The following CDH13 variants were observed in gnomAD, a reference collection of about 807,000 sequenced individuals.
CDH13 encodes cadherin-13.
CDH13 carries 24 observed loss-of-function variants against 63.8 expected under a neutral mutation model. The observed-to-expected ratio is 0.38, with a 90% CI of 0.27 to 0.53. The LOEUF (loss-of-function observed/expected upper bound fraction) is 0.53. CDH13 is among the 20% of genes least tolerant of loss of function. The probability of loss-of-function intolerance (pLI) is 0.85; values close to 1 mark genes in which losing one functional copy is unlikely to be tolerated. For missense variants in CDH13, 1,049 were observed against 903.1 expected, an observed-to-expected ratio of 1.16 and a Z score of -2.07; for synonymous variants, 503 against 355.3, an observed-to-expected ratio of 1.42 and a Z score of -4.67.
At chr16:83,024,965 G>A (rs918515064) in intron 2 of CDH13, among the ~76,000 whole-genome samples, 6 of 152,172 alleles carry the variant, frequency 3.9e-5, no homozygotes, top group African/African-American at 1.4e-4. Flanking sequence ...AGTGATGCCT[G>A]TAGTAACCAT....
chr16:83,075,547 A>G (rs2032774480), intron 3 of CDH13, among the ~76,000 whole-genome samples: 1 of 152,208 alleles, frequency 6.6e-6, no homozygotes, highest in Non-Finnish European at 1.5e-5. Context: ...CATTGCATCC[A>G]GTGCGTACCT....
chr16:83,787,897 C>G (rs564624180), intron 13 of CDH13, among the ~76,000 whole-genome samples: 1 of 151,550 alleles, frequency 6.6e-6, no homozygotes, highest in Admixed American at 6.6e-5. Context: ...GAGCCGAGAT[C>G]ACACCACTGC....
At chr16:83,094,237 A>C (rs551427093) in intron 3 of CDH13, among the ~76,000 whole-genome samples, 1 of 152,186 alleles carries the variant, frequency 6.6e-6, no homozygotes, top group East Asian at 1.9e-4. Flanking sequence ...ATATCTGAGC[A>C]CTTGTGACCC....
chr16:83,059,249 T>C (rs1324749835), intron 3 of CDH13, among the ~76,000 whole-genome samples: 2 of 152,138 alleles, frequency 1.3e-5, no homozygotes, highest in Non-Finnish European at 2.9e-5. Flanking sequence ...ACCTGAAAAA[T>C]AGAGGGACTG....
chr16:82,864,627 C>A (rs1172601114), intron 2 of CDH13, among the ~76,000 whole-genome samples: 2 of 152,222 alleles, frequency 1.3e-5, no homozygotes, highest in African/African-American at 2.4e-5. Flanking sequence ...CAGCTGGTCA[C>A]CCCCTTGAAA....
intron 1 of CDH13, among the ~76,000 whole-genome samples, chr16:82,856,641 G>A (rs1242948076): frequency 2.3e-5 from 3 of 133,262 alleles, no homozygotes; most frequent in Non-Finnish European, 4.6e-5. Flanking sequence ...GGTTGGGTCT[G>A]CAGTGAGCCA....
At chr16:83,203,888 G>T (rs145724202) in intron 4 of CDH13, among the ~76,000 whole-genome samples, 2 of 152,184 alleles carry the variant, frequency 1.3e-5, no homozygotes, top group East Asian at 3.9e-4. Context: ...CTTTTAGATG[G>T]CAGAATGCAC....
At chr16:83,753,021 G>A (rs1437815548) in intron 11 of CDH13, among the ~76,000 whole-genome samples, 1 of 152,106 alleles carries the variant, frequency 6.6e-6, no homozygotes, top group African/African-American at 2.4e-5. Context: ...GAGCTAAAAT[G>A]TCCCCAAAGG....
intron 1 of CDH13, among the ~76,000 whole-genome samples, chr16:82,634,437 G>A (rs1263662101): frequency 6.6e-6 from 1 of 152,210 alleles, no homozygotes; most frequent in African/African-American, 2.4e-5. Context: ...CAGCGGAACC[G>A]AGGCTGACTC....
intron 5 of CDH13, among the ~76,000 whole-genome samples, chr16:83,293,486 G>C (rs2089513156): frequency 6.6e-6 from 1 of 152,104 alleles, no homozygotes; most frequent in Non-Finnish European, 1.5e-5. Context: ...CACCTTCATA[G>C]CAAGACTTTA....
chr16:83,009,972 A>G (rs1196808842), intron 2 of CDH13, among the ~76,000 whole-genome samples: 1 of 151,852 alleles, frequency 6.6e-6, no homozygotes, highest in Non-Finnish European at 1.5e-5. Context: ...TGTCTCTACT[A>G]AAAATACAAA....
rs112996636 is a variant in CDH13, at chr16:83,271,655, A to G, written c.636+54158A>G. On this transcript the variant is annotated intron_variant, in intron 5 of 13. Transcript: ENST00000567109. ...AATTACAGTAAGAAAATAATTCACAATACTCAAGGGGAAGGTAGCACTTGT... is the reference window on the plus strand; with the variant it reads ...AATTACAGTAAGAAAATAATTCACAGTACTCAAGGGGAAGGTAGCACTTGT... Among the ~76,000 whole-genome samples the G allele has an allele frequency of 4.6e-5, 7 of 152,160 alleles. 1 individual carries two copies. The highest frequency in any genetic ancestry group is 2.0e-4 in the Admixed American group (3 of 15,278).
intron 6 of CDH13, among the ~76,000 whole-genome samples, chr16:83,414,903 A>G (rs534556980): frequency 2.2e-4 from 34 of 152,292 alleles, no homozygotes; most frequent in African/African-American, 7.2e-4. Context: ...TCTTCAAACT[A>G]TCTCTTGAAG....
chr16:83,170,997 C>CT (rs368126683), intron 4 of CDH13, among the ~76,000 whole-genome samples: 2,594 of 151,980 alleles, frequency 0.017, 89 homozygotes, highest in African/African-American at 0.059. Context: ...CGCCCGCCTC[C>CT]TTTTTTTTGA....
chr16:82,655,293 A>T (rs1381056119), intron 1 of CDH13, among the ~76,000 whole-genome samples: 1 of 152,256 alleles, frequency 6.6e-6, no homozygotes, highest in African/African-American at 2.4e-5. Context: ...ATCAAGCACC[A>T]TAAAAGGGTA....
intron 10 of CDH13, chr16:83,721,663 C>T (rs1342437988): frequency 6.6e-6 from 1 of 152,224 alleles, no homozygotes; most frequent in Non-Finnish European, 1.5e-5. Context: ...GTAAGAAATC[C>T]AAACCAGCAA....
chr16:83,264,235 A>G lies in CDH13; in HGVS notation c.636+46738A>G, dbSNP rs116320247. ...TCTCCTGATAAATACCACCTGTTCAATGGGAATTTAAGACAGGTTGTCATT... is the reference window on the plus strand; with the variant it reads ...TCTCCTGATAAATACCACCTGTTCAGTGGGAATTTAAGACAGGTTGTCATT... On this transcript the variant is annotated intron_variant, in intron 5 of 13. Transcript: ENST00000567109. Among the ~76,000 whole-genome samples, 132 of 152,224 alleles carry G rather than the reference A, an allele frequency of 8.7e-4. 1 individual carries two copies. The highest frequency in any genetic ancestry group is 3.1e-3 in the African/African-American group (128 of 41,546).
intron 4 of CDH13, among the ~76,000 whole-genome samples, chr16:83,149,433 C>A (rs2036882522): frequency 6.6e-6 from 1 of 152,100 alleles, no homozygotes; most frequent in Non-Finnish European, 1.5e-5. Context: ...GATAGGATCA[C>A]AACAGTGAGA....
chr16:83,630,614 G>C (rs1244375643), intron 8 of CDH13, among the ~76,000 whole-genome samples: 1 of 152,282 alleles, frequency 6.6e-6, no homozygotes, highest in Admixed American at 6.5e-5. Context: ...GCATTTTTAC[G>C]TAAACAATCA....
Sources: allele counts gnomAD v4.1 joint callset (sites outside exome capture counted in the v4.1 genomes callset), GRCh38; gene constraint gnomAD v4.1.1; transcripts MANE v1.5; gene names NCBI Gene and HGNC (gene_info 2026-07-23, HGNC 2026-07-21).